TCF4: variants seen among roughly 807,000 people sequenced by gnomAD.
TCF4 encodes SL3-3 enhancer factor 2.
TCF4 carries 3 observed loss-of-function variants against 82.1 expected under a neutral mutation model. That is an observed-to-expected ratio of 0.04 (90% CI 0.02 to 0.09). The LOEUF is 0.09. Ranked by LOEUF, TCF4 falls within the 10% of genes least tolerant of loss-of-function variation. The pLI is 1.00. For missense variants in TCF4, 518 were observed against 852.7 expected, an observed-to-expected ratio of 0.61 and a Z score of 4.89; for synonymous variants, 276 against 309.6, an observed-to-expected ratio of 0.89 and a Z score of 1.14.
intron 5 of TCF4, among the ~76,000 whole-genome samples, chr18:55,429,482 G>C (rs2095107884): frequency 6.6e-6 from 1 of 152,184 alleles, no homozygotes; most frequent in Non-Finnish European, 1.5e-5. Context: ...CCCATTTGGG[G>C]CCGAGCACGA....
At chr18:55,410,436 T>C (rs538908802) in intron 5 of TCF4, among the ~76,000 whole-genome samples, 1 of 152,218 alleles carries the variant, frequency 6.6e-6, no homozygotes, top group African/African-American at 2.4e-5. Context: ...TCAGATTCTA[T>C]ATTCAATTCT....
chr18:55,433,314 T>C (rs892384145), intron 5 of TCF4, among the ~76,000 whole-genome samples: 2 of 152,198 alleles, frequency 1.3e-5, no homozygotes, highest in Non-Finnish European at 2.9e-5. Context: ...TCACAAACAG[T>C]TGCTATTAGA....
intron 3 of TCF4, among the ~76,000 whole-genome samples, chr18:55,480,866 G>A (rs1475406029): frequency 6.6e-6 from 1 of 152,152 alleles, no homozygotes; most frequent in Non-Finnish European, 1.5e-5. Context: ...CACTTCGGGA[G>A]GCTGAGGAGG....
At chr18:55,432,415 G>A (rs1224562019) in intron 5 of TCF4, among the ~76,000 whole-genome samples, 1 of 137,810 alleles carries the variant, frequency 7.3e-6, no homozygotes. Context: ...AGAAAACCTA[G>A]CCCCACTGAA....
At chr18:55,448,305 T>C (rs1700340875) in intron 5 of TCF4, among the ~76,000 whole-genome samples, 1 of 152,236 alleles carries the variant, frequency 6.6e-6, no homozygotes, top group Non-Finnish European at 1.5e-5. Context: ...TGATCTGCTC[T>C]GATAAAACTT....
chr18:55,462,789 A>T (rs887746072), intron 4 of TCF4, among the ~76,000 whole-genome samples: 8 of 152,282 alleles, frequency 5.3e-5, no homozygotes, highest in African/African-American at 1.9e-4. Flanking sequence ...AGACTGTAAC[A>T]TGAGGAGGAG....
At chr18:55,517,096 A>C (rs1403266635) in intron 3 of TCF4, among the ~76,000 whole-genome samples, 1 of 152,206 alleles carries the variant, frequency 6.6e-6, no homozygotes, top group Non-Finnish European at 1.5e-5. Context: ...AAACGGTTAT[A>C]ATAAGAGCTC....
At chr18:55,404,626 CCT>C (rs1393505623) in intron 5 of TCF4, among the ~76,000 whole-genome samples, 1 of 152,102 alleles carries the variant, frequency 6.6e-6, no homozygotes, top group African/African-American at 2.4e-5. Flanking sequence ...CAAGTTTTCC[CCT>C]CTCAACTCAA....
intron 8 of TCF4, among the ~76,000 whole-genome samples, chr18:55,312,859 G>A (rs905429452): frequency 1.3e-5 from 2 of 151,980 alleles, no homozygotes; most frequent in Admixed American, 6.6e-5. Context: ...TTTTTAATAC[G>A]GCACAGGTCT....
chr18:55,391,360 TA>T (rs550570525), intron 6 of TCF4, among the ~76,000 whole-genome samples: 63 of 152,238 alleles, frequency 4.1e-4, no homozygotes, highest in African/African-American at 1.4e-3. Context: ...TCATAATATA[TA>T]TATTTTTTAA....
intron 3 of TCF4, among the ~76,000 whole-genome samples, chr18:55,571,146 T>C (rs1489768117): frequency 1.3e-5 from 2 of 151,948 alleles, no homozygotes; most frequent in Non-Finnish European, 2.9e-5. Context: ...ACAAGAAAGT[T>C]TGTAGTTCCA....
rs56970782 is a variant in TCF4 at position 55,236,732 on chromosome 18, C to T, written c.1351-2049G>A. Among the ~76,000 whole-genome samples, 548 of 152,320 alleles carry T rather than the reference C, an allele frequency of 3.6e-3. 8 individuals are homozygous for T. The highest frequency in any genetic ancestry group is 0.013 in the African/African-American group (530 of 41,562). On this transcript the variant is annotated intron_variant, in intron 15 of 19. Coordinates refer to ENST00000354452, the MANE Select transcript of TCF4 (RefSeq NM_001083962.2). ...GTCAACTTGTAAGCATGAATTTTTA[C>T]AGGCCTTGATCAAATGGTGGCTCTT...
intron 8 of TCF4, among the ~76,000 whole-genome samples, chr18:55,342,603 G>A (rs1287943575): frequency 6.6e-6 from 1 of 152,144 alleles, no homozygotes; most frequent in African/African-American, 2.4e-5. Context: ...TTCAGCTTTA[G>A]TAGTAACGCA....
chr18:55,369,607 A>G (rs1323399555), intron 6 of TCF4, among the ~76,000 whole-genome samples: 1 of 151,818 alleles, frequency 6.6e-6, no homozygotes, highest in Non-Finnish European at 1.5e-5. Flanking sequence ...AACTTCATAC[A>G]CTCTCCCTGT....
intron 8 of TCF4, among the ~76,000 whole-genome samples, chr18:55,341,379 G>A (rs1176170474): frequency 6.6e-6 from 1 of 152,176 alleles, no homozygotes; most frequent in Non-Finnish European, 1.5e-5. Flanking sequence ...AGATGCAAAT[G>A]ATGTAATAGT....
intron 8 of TCF4, among the ~76,000 whole-genome samples, chr18:55,319,539 T>C (rs918143592): frequency 1.3e-5 from 2 of 152,304 alleles, no homozygotes; most frequent in Middle Eastern, 3.4e-3. Context: ...CTATAATGTG[T>C]GTACAATTTG....
intron 17 of TCF4, 22 bp from the exon 18 acceptor site, chr18:55,229,098 A>G (rs1433895641): frequency 5.0e-6 from 8 of 1,611,360 alleles, no homozygotes; most frequent in Non-Finnish European, 6.8e-6. Flanking sequence ...AAGGGATGCA[A>G]CATTTTCTAA....
intron 3 of TCF4, among the ~76,000 whole-genome samples, chr18:55,543,521 T>C (rs1827131132): frequency 6.6e-6 from 1 of 152,114 alleles, no homozygotes; most frequent in South Asian, 2.1e-4. Flanking sequence ...TGTCAAGCTG[T>C]TCAACGTCCA....
chr18:55,306,077 G>A (rs1218856769), intron 8 of TCF4, among the ~76,000 whole-genome samples: 1 of 152,120 alleles, frequency 6.6e-6, no homozygotes, highest in East Asian at 1.9e-4. Context: ...AGGGAGGGTG[G>A]GGAGTTTTCA....
Sources: gnomAD v4.1 joint callset for allele counts (sites outside exome capture counted in the v4.1 genomes callset) on GRCh38, gnomAD v4.1.1 for gene constraint, MANE v1.5 for transcripts, NCBI Gene and HGNC (gene_info 2026-07-23, HGNC 2026-07-21) for gene names.